MYO16: variants seen among roughly 807,000 people sequenced by gnomAD.
MYO16 encodes the protein unconventional myosin-XVI.
In MYO16, 94 loss-of-function variants were observed where a neutral mutation model predicts 205.3. The ratio of observed to expected loss-of-function variants is 0.46; its 90% confidence interval spans 0.39 to 0.54. MYO16 has a LOEUF of 0.54. MYO16 is among the 20% of genes least tolerant of loss of function. The probability of loss-of-function intolerance (pLI) is 0.00; values close to 1 mark genes in which losing one functional copy is unlikely to be tolerated. For missense variants in MYO16, 2,315 were observed against 2,387.5 expected (o/e 0.97, Z 0.63); for synonymous variants, 988 against 954.0 (o/e 1.04, Z -0.66).
In MYO16 at chr13:108,629,855, A is replaced by T; in HGVS notation, c.11A>T (p.Tyr4Phe). The change falls in exon 1 of 35, where the codon TAT (tyrosine) becomes TTT (phenylalanine). Residue 4 changes from tyrosine to phenylalanine, a missense_variant. Around this residue, in one of 3 missense-constraint regions of MYO16, gnomAD observed 1,213 missense variants for 1,274.4 expected, o/e 0.95. Coordinates refer to ENST00000457511, the MANE Select transcript of MYO16 (RefSeq NM_001198950.3). ...GTCTGAGATGGAAAGATGTCTCACT[A>T]TCATTTTATCAAGTGCTGTAAGTAA... The part of the protein sequence containing the change: MSH[Y>F]HFIKCCCFQL... 2.6e-6 allele frequency: 4 copies of T among 1,528,940 alleles called. No homozygotes were observed. Among genetic ancestry groups the T allele is most frequent in the Non-Finnish European group, 3.5e-6 (4 of 1,140,906 alleles). The allele number at this position is 1,528,940 out of a possible 1,614,324, so 94.7% of individuals were successfully genotyped here.
intron 23 of MYO16, among the ~76,000 whole-genome samples, chr13:109,031,274 T>C (rs905022562): frequency 2.6e-5 from 4 of 152,118 alleles, no homozygotes; most frequent in African/African-American, 9.7e-5. Flanking sequence ...GTAGTTTTAA[T>C]AGGGATGGGG....
upstream of MYO16, chr13:108,629,577 C>T: frequency 4.9e-6 from 2 of 408,818 alleles, no homozygotes; most frequent in Non-Finnish European, 8.9e-6. Flanking sequence ...GTACTCGGGG[C>T]TGTGTCAATC....
intron 12 of MYO16, among the ~76,000 whole-genome samples, chr13:108,879,014 T>C (rs908568435): frequency 1.3e-5 from 2 of 152,264 alleles, no homozygotes; most frequent in Admixed American, 1.3e-4. Context: ...TTTGTAGTTT[T>C]GGTTGAGGTG....
intron 4 of MYO16, among the ~76,000 whole-genome samples, chr13:108,757,816 T>C (rs1484328851): frequency 6.6e-6 from 1 of 152,224 alleles, no homozygotes; most frequent in African/African-American, 2.4e-5. Context: ...TAGTAACACA[T>C]TCACTGCACC....
intron 4 of MYO16, among the ~76,000 whole-genome samples, chr13:108,763,900 A>G (rs2139662338): frequency 6.6e-6 from 1 of 152,182 alleles, no homozygotes; most frequent in Non-Finnish European, 1.5e-5. Context: ...AATAAGAAAG[A>G]AAATTTGACA....
rs3842308 is a variant in MYO16, at chr13:109,009,472, CAT to C, written c.2595+427_2595+428del. Among the ~76,000 whole-genome samples, 1,492 of 152,220 alleles carry C rather than the reference CAT, an allele frequency of 9.8e-3. 14 individuals carry two copies. Among genetic ancestry groups the C allele is most frequent in the South Asian group, 0.025 (119 of 4,820 alleles). The stretch of plus-strand genomic sequence containing the variant: ...AATTTGGAAAAACTGGCAGGAAAAA[CAT>C]ATAAACACATATATAATGTCGGTTA... On this transcript the variant is annotated intron_variant, in intron 22 of 34. Coordinates refer to ENST00000457511, the MANE Select transcript of MYO16 (RefSeq NM_001198950.3).
At chr13:108,707,910 A>G (rs1488664315) in intron 2 of MYO16, among the ~76,000 whole-genome samples, 3 of 152,136 alleles carry the variant, frequency 2.0e-5, no homozygotes, top group East Asian at 3.9e-4. Flanking sequence ...GCCTGATTCT[A>G]ATGGGGGCAG....
intron 20 of MYO16, among the ~76,000 whole-genome samples, chr13:108,966,866 C>G (rs116102016): frequency 0.017 from 2,523 of 152,154 alleles, 56 homozygotes; most frequent in African/African-American, 0.057. Context: ...ACAGAAAAGT[C>G]TCAAAAATTT....
chr13:109,050,617 G>A (rs1431650038), intron 24 of MYO16, among the ~76,000 whole-genome samples: 1 of 152,078 alleles, frequency 6.6e-6, no homozygotes, highest in African/African-American at 2.4e-5. Flanking sequence ...GCCTAAATCA[G>A]TTATTTCTTA....
chr13:108,919,116 T>C (rs1016146565), intron 16 of MYO16, among the ~76,000 whole-genome samples: 2 of 152,216 alleles, frequency 1.3e-5, no homozygotes, highest in Non-Finnish European at 2.9e-5. Context: ...GCCCTTGTAC[T>C]TCCTATTTGA....
At chr13:109,198,632 A>T (rs1475569660) in intron 34 of MYO16, among the ~76,000 whole-genome samples, 2 of 152,200 alleles carry the variant, frequency 1.3e-5, no homozygotes, top group Admixed American at 1.3e-4. Context: ...TCATCAGGAT[A>T]ATCATAATTC....
chr13:109,157,269 A>AC (rs1566539586), intron 32 of MYO16, among the ~76,000 whole-genome samples: 2 of 92,004 alleles, frequency 2.2e-5, no homozygotes, highest in Non-Finnish European at 4.4e-5. Flanking sequence ...AAAAAAAAAA[A>AC]CCTTATTCTT....
At chr13:109,196,626 G>T (rs900233162) in intron 34 of MYO16, among the ~76,000 whole-genome samples, 1 of 152,158 alleles carries the variant, frequency 6.6e-6, no homozygotes, top group Non-Finnish European at 1.5e-5. Context: ...CACATTTTAG[G>T]TGGTCCAAAC....
intron 7 of MYO16, among the ~76,000 whole-genome samples, chr13:108,814,887 C>A (rs2139002384): frequency 6.6e-6 from 1 of 152,038 alleles, no homozygotes; most frequent in East Asian, 1.9e-4. Context: ...AACAAACAAA[C>A]CCCACCGCAG....
At chr13:108,781,206 A>G (rs1378769522) in intron 4 of MYO16, among the ~76,000 whole-genome samples, 1 of 152,250 alleles carries the variant, frequency 6.6e-6, no homozygotes, top group African/African-American at 2.4e-5. Context: ...GGAGTGCGGT[A>G]GATTTTACAA....
intron 21 of MYO16, among the ~76,000 whole-genome samples, chr13:109,000,794 G>A (rs1344257152): frequency 6.6e-6 from 1 of 151,928 alleles, no homozygotes; most frequent in Non-Finnish European, 1.5e-5. Context: ...TTTTTAATAT[G>A]TGTTTTTCAA....
intron 2 of MYO16, among the ~76,000 whole-genome samples, chr13:108,679,281 C>A (rs1330063102): frequency 6.6e-6 from 1 of 152,174 alleles, no homozygotes; most frequent in African/African-American, 2.4e-5. Flanking sequence ...TCAACCCAAC[C>A]CTCTCACTGT....
intron 31 of MYO16, among the ~76,000 whole-genome samples, chr13:109,137,665 G>T (rs570935258): frequency 2.6e-5 from 4 of 152,300 alleles, no homozygotes; most frequent in Non-Finnish European, 4.4e-5. Flanking sequence ...AATTACCTTT[G>T]TTCTTTTCCA....
chr13:109,006,425 A>G (rs1211806374), intron 21 of MYO16, among the ~76,000 whole-genome samples: 2 of 152,118 alleles, frequency 1.3e-5, no homozygotes, highest in East Asian at 3.9e-4. Context: ...TTTTTAGTAT[A>G]GACGGGATTT....
Sources: gnomAD v4.1 joint callset for allele counts (sites outside exome capture counted in the v4.1 genomes callset) on GRCh38, gnomAD v4.1.1 for gene constraint, gnomAD v4.1.1 regional missense constraint, MANE v1.5 for transcripts, NCBI Gene and HGNC (gene_info 2026-07-23, HGNC 2026-07-21) for gene names.